Variants in ATP6V1C1 observed in about 807,000 individuals in gnomAD.
ATP6V1C1 encodes ATPase H+ transporting V1 subunit C1, also known as V-type proton ATPase subunit C 1.
ATP6V1C1 carries 45 observed loss-of-function variants against 53.9 expected under a neutral mutation model. The ratio of observed to expected loss-of-function variants is 0.83; its 90% CI spans 0.66 to 1.07. ATP6V1C1 has a LOEUF of 1.07. ATP6V1C1 is among the 50% of genes least tolerant of loss of function. The pLI is 0.00. For missense variants in ATP6V1C1, 315 were observed against 440.3 expected (o/e 0.72, Z 2.55); for synonymous variants, 153 against 155.2 (o/e 0.99, Z 0.11).
chr8:103,029,280 TCTTC>T (rs1816751834), intron 1 of ATP6V1C1, among the ~76,000 whole-genome samples: 1 of 115,740 alleles, frequency 8.6e-6, no homozygotes, highest in South Asian at 2.6e-4. Context: ...TCTCTCTCTC[TCTTC>T]TTTTTTTTTT....
At chr8:103,029,941 C>T (rs112081979) in intron 1 of ATP6V1C1, among the ~76,000 whole-genome samples, 5 of 152,222 alleles carry the variant, frequency 3.3e-5, no homozygotes, top group African/African-American at 7.2e-5. Context: ...CTATGTTGGC[C>T]GTGGCTGGTC....
intron 4 of ATP6V1C1, 59 bp downstream of exon 4, chr8:103,049,014 C>A: frequency 6.8e-7 from 1 of 1,479,182 alleles, no homozygotes; most frequent in Admixed American, 1.9e-5. Context: ...AACTAAGCTA[C>A]AGAAACAAAA....
rs2131377155 is a variant in ATP6V1C1 at position 103,021,134 on chromosome 8, G to C, written c.-131G>C. On this transcript the variant is annotated 5_prime_UTR_variant, in exon 1 of 13. Transcript: ENST00000518738. ...GCCGTGAGGCCGGAGCTTAGGTCGG[G>C]AAGGGATGGATCGCTGAGCCGATAG... 6.5e-6 allele frequency: 1 copy of C among 153,070 alleles called. No homozygotes were observed. Among genetic ancestry groups the C allele is most frequent in the African/African-American group, 2.4e-5 (1 of 41,584 alleles). 9.5% of individuals were successfully genotyped at this position (153,070 alleles called of 1,614,324 possible).
chr8:103,067,864 C>T (rs2131407017), intron 12 of ATP6V1C1, among the ~76,000 whole-genome samples: 1 of 152,236 alleles, frequency 6.6e-6, no homozygotes, highest in East Asian at 1.9e-4. Context: ...AGATTACAGG[C>T]GTGAGCCACC....
intron 3 of ATP6V1C1, among the ~76,000 whole-genome samples, chr8:103,047,741 C>CAT (rs1364041870): frequency 6.6e-6 from 1 of 152,232 alleles, no homozygotes; most frequent in East Asian, 1.9e-4. Context: ...CACCTCTTAT[C>CAT]ATGACTCATA....
intron 8 of ATP6V1C1, among the ~76,000 whole-genome samples, chr8:103,058,884 AAAG>A: frequency 1.3e-5 from 2 of 152,352 alleles, no homozygotes; most frequent in South Asian, 4.1e-4. Flanking sequence ...GGCTGTGGCC[AAAG>A]AAGTGGAGGC....
intron 2 of ATP6V1C1, among the ~76,000 whole-genome samples, chr8:103,041,869 C>T (rs1389095533): frequency 6.6e-6 from 1 of 152,102 alleles, no homozygotes; most frequent in Non-Finnish European, 1.5e-5. Context: ...GAGACTCCGT[C>T]TCAAAAATAT....
chr8:103,060,659 T>C (rs1817381141), intron 8 of ATP6V1C1, among the ~76,000 whole-genome samples: 1 of 152,252 alleles, frequency 6.6e-6, no homozygotes, highest in South Asian at 2.1e-4. Flanking sequence ...TCGTGGTTTA[T>C]TTTTTAAACA....
At chr8:103,041,024 T>G in intron 2 of ATP6V1C1, 56 bp downstream of exon 2, 2 of 1,545,486 alleles carry the variant, frequency 1.3e-6, no homozygotes, top group East Asian at 4.7e-5. Context: ...GGAGGGCCAG[T>G]TCTCTCTTTT....
chr8:103,042,224 A>G, intron 2 of ATP6V1C1, 116 bp from the exon 3 acceptor site: 2 of 986,396 alleles, frequency 2.0e-6, no homozygotes, highest in East Asian at 2.5e-5. Context: ...CTTACACATT[A>G]TGAAATAAAA....
chr8:103,053,492 A>G (rs1357158641), intron 6 of ATP6V1C1, among the ~76,000 whole-genome samples: 1 of 151,976 alleles, frequency 6.6e-6, no homozygotes, highest in East Asian at 1.9e-4. Context: ...CTAGTATCAA[A>G]TGATACCCAA....
intron 1 of ATP6V1C1, among the ~76,000 whole-genome samples, chr8:103,037,354 TA>T (rs934126182): frequency 2.6e-5 from 4 of 151,020 alleles, no homozygotes; most frequent in South Asian, 4.2e-4. Flanking sequence ...TAAAAATAAT[TA>T]AAAAAAAAGA....
At chr8:103,062,535 A>G (rs554986402) in intron 8 of ATP6V1C1, among the ~76,000 whole-genome samples, 6 of 152,290 alleles carry the variant, frequency 3.9e-5, no homozygotes, top group Admixed American at 2.0e-4. Context: ...GGTACTGGCA[A>G]TGCAGAGAGG....
chr8:103,063,095 T>C (rs371616937), intron 9 of ATP6V1C1, 40 bp from the exon 10 acceptor site: 118 of 1,609,762 alleles, frequency 7.3e-5, no homozygotes, highest in Non-Finnish European at 9.4e-5. Flanking sequence ...ATCAGCTGTA[T>C]ACAATGTGAA....
chr8:103,026,909 T>G (rs950065314), intron 1 of ATP6V1C1, among the ~76,000 whole-genome samples: 10 of 152,258 alleles, frequency 6.6e-5, no homozygotes, highest in Non-Finnish European at 1.2e-4. Context: ...CCCCTTCTAG[T>G]TACTGAAAAT....
chr8:103,034,103 AGT>A (rs1218989847), intron 1 of ATP6V1C1, among the ~76,000 whole-genome samples: 1 of 152,186 alleles, frequency 6.6e-6, no homozygotes, highest in Admixed American at 6.5e-5. Flanking sequence ...CATTTCAGAA[AGT>A]GTCCAGCATC....
chr8:103,058,730 C>T (rs925896818), intron 8 of ATP6V1C1, among the ~76,000 whole-genome samples: 1 of 152,108 alleles, frequency 6.6e-6, no homozygotes, highest in Non-Finnish European at 1.5e-5. Context: ...TCAATCTATT[C>T]TTCTAACTGT....
At chr8:103,026,312 C>T (rs1364072676) in intron 1 of ATP6V1C1, among the ~76,000 whole-genome samples, 1 of 152,152 alleles carries the variant, frequency 6.6e-6, no homozygotes, top group East Asian at 1.9e-4. Flanking sequence ...GAAAGTAAGG[C>T]TTTGCTTTTA....
At chr8:103,060,805 G>A (rs1350713287) in intron 8 of ATP6V1C1, among the ~76,000 whole-genome samples, 1 of 152,122 alleles carries the variant, frequency 6.6e-6, no homozygotes, top group African/African-American at 2.4e-5. Flanking sequence ...TCACCATCAG[G>A]ATTTTGAGTA....
Sources: allele counts gnomAD v4.1 joint callset (sites outside exome capture counted in the v4.1 genomes callset), GRCh38; gene constraint gnomAD v4.1.1; transcripts MANE v1.5; gene names NCBI Gene and HGNC (gene_info 2026-07-23, HGNC 2026-07-21).